Variants in CCDC13 observed in about 807,000 individuals in gnomAD.
CCDC13 encodes the protein coiled-coil domain containing 13, also known as coiled-coil domain-containing protein 13.
CCDC13 carries 70 observed loss-of-function variants against 87.3 expected under a neutral mutation model. The ratio of observed to expected loss-of-function variants is 0.80; its 90% CI spans 0.66 to 0.98. The LOEUF is 0.98. CCDC13 is among the 50% of genes least tolerant of loss of function. The pLI, the probability that CCDC13 is intolerant of heterozygous loss-of-function variation, is 0.00. For missense variants in CCDC13, 842 were observed against 892.0 expected, an observed-to-expected ratio of 0.94 and a Z score of 0.71; for synonymous variants, 317 against 360.3, an observed-to-expected ratio of 0.88 and a Z score of 1.36.
chr3:42,717,566 T>C (rs1489884432), intron 13 of CCDC13, among the ~76,000 whole-genome samples: 1 of 152,204 alleles, frequency 6.6e-6, no homozygotes, highest in Non-Finnish European at 1.5e-5. Context: ...TGCACAGTAT[T>C]GTTAATGTAA....
chr3:42,709,868 C>A (rs1433152075), intron 14 of CCDC13, 70 bp from the exon 15 acceptor site: 10 of 1,164,226 alleles, frequency 8.6e-6, no homozygotes, highest in African/African-American at 1.5e-5. Flanking sequence ...CTTCTCCTCC[C>A]GCCATTGCCC....
At position 42,735,884 on chromosome 3, in the gene CCDC13, T is replaced by G. The variant is rs144324915; in HGVS notation, c.1194A>C (p.Leu398=). Residue 398 remains leucine (L), a synonymous_variant, in exon 10 of 16, where the codon CTA becomes CTC. Transcript: ENST00000310232. ...TCTCCTCCTGCAGACTCAGGCTGCCTAGGATCTCCTGTAGCTGCTTCAGCT... is the reference window on the plus strand; with the variant it reads ...TCTCCTCCTGCAGACTCAGGCTGCCGAGGATCTCCTGTAGCTGCTTCAGCT... ...MDQLKQLQEI[L]GSLSLQEEKT... 5 of 1,614,078 alleles carry G rather than the reference T, an allele frequency of 3.1e-6. No individual in the cohort carries two copies. In the East Asian group the frequency reaches 1.1e-4, roughly 36 times the overall value.
intron 9 of CCDC13, among the ~76,000 whole-genome samples, chr3:42,736,688 C>T (rs765330702): frequency 2.6e-5 from 4 of 152,056 alleles, no homozygotes; most frequent in African/African-American, 9.7e-5. Context: ...TTCTGTGCCC[C>T]GCTCACCACC....
rs1699384828 is a variant in CCDC13 at position 42,745,990 on chromosome 3, T to C, written c.758A>G (p.Gln253Arg). 2 of 1,614,196 alleles carry C rather than the reference T, an allele frequency of 1.2e-6. No individual in the cohort carries two copies. ...AREVGEDINV[Q>R]QLLSSPGTWR... ...GGTCCCTGGCGAAGATAGGAGCTGCTGAACGTTGATGTCTTCCCCAACCTC... is the reference window on the plus strand; with the variant it reads ...GGTCCCTGGCGAAGATAGGAGCTGCCGAACGTTGATGTCTTCCCCAACCTC... The change falls in exon 7 of 16, where the codon CAG becomes CGG. Residue 253 changes from glutamine (Q) to arginine (R), a missense_variant. By Grantham distance (43) the Gln-to-Arg change is conservative. Transcript: ENST00000310232.
intron 8 of CCDC13, among the ~76,000 whole-genome samples, chr3:42,740,681 AGCAAAG>A (rs1387122088): frequency 1.3e-5 from 2 of 152,318 alleles, no homozygotes; most frequent in East Asian, 3.9e-4. Flanking sequence ...TGAAGGGAAG[AGCAAAG>A]GCCCTGGGGT....
Position 42,739,637 on chromosome 3 carries a change from G to A in CCDC13, c.1161C>T (p.Leu387=), listed in dbSNP as rs1559649017. 1 of 1,613,616 alleles carries A rather than the reference G, an allele frequency of 6.2e-7. No individual in the cohort carries two copies. Residue 387 remains leucine, a synonymous_variant, in exon 9 of 16, where the codon CTC becomes CTT. Coordinates refer to ENST00000310232, the MANE Select transcript of CCDC13 (RefSeq NM_144719.4). ...TGCCTGAGTGGTGGGGCCATACCAT[G>A]AGGGCGTCGATGAGCTCGTCATCAT... ...GRHDDELIDA[L]MDQLKQLQEI...
intron 11 of CCDC13, 90 bp downstream of exon 11, chr3:42,733,380 G>T: frequency 6.7e-7 from 1 of 1,503,642 alleles, no homozygotes; most frequent in Non-Finnish European, 9.2e-7. Context: ...AATTGCACCT[G>T]TGGCTTCCCA....
chr3:42,754,261 G>A (rs1452468586), intron 3 of CCDC13, among the ~76,000 whole-genome samples: 3 of 152,192 alleles, frequency 2.0e-5, no homozygotes, highest in African/African-American at 7.2e-5. Context: ...GGGCGAGGCA[G>A]TGAGTGGGGC....
Position 42,751,967 on chromosome 3 carries a change from G to C in CCDC13, c.572C>G (p.Pro191Arg). ...TCTGTCTCCCATCTGGGCCCTCGGT[G>C]GCTTGGCTCCTGCGTCGGTGGCCCC... is the stretch of plus-strand genomic sequence containing the variant. ...AKGATDAGAK[P>R]PRAQMGDRAL... Residue 191 changes from proline (P) to arginine (R), a missense_variant, in exon 5 of 16, where the codon CCA (proline) becomes CGA (arginine). Coordinates refer to ENST00000310232, the MANE Select transcript of CCDC13 (RefSeq NM_144719.4). 1 of 1,611,716 alleles carries C rather than the reference G, an allele frequency of 6.2e-7. No homozygotes were observed. Among genetic ancestry groups the C allele is most frequent in the Non-Finnish European group, 8.5e-7 (1 of 1,180,018 alleles).
At chr3:42,740,831 T>C (rs958817446) in intron 8 of CCDC13, 6 of 152,132 alleles carry the variant, frequency 3.9e-5, no homozygotes, top group African/African-American at 1.2e-4. Flanking sequence ...TGAGGGTGAA[T>C]TGTTGCTGGA....
chr3:42,743,079 G>A (rs201291101), intron 7 of CCDC13, 22 bp from the exon 8 acceptor site: 14 of 1,612,966 alleles, frequency 8.7e-6, no homozygotes, highest in African/African-American at 4.0e-5. Context: ...AAAACTCGTC[G>A]TTCCACAATG....
chr3:42,706,847 G>A lies in CCDC13; in HGVS notation c.*2133C>T, dbSNP rs1158314722. The A allele has an allele frequency of 6.6e-6, 1 of 152,178 alleles. No individual in the cohort carries two copies. Among genetic ancestry groups the A allele is most frequent in the Non-Finnish European group, 1.5e-5 (1 of 68,024 alleles). The allele number at this position is 152,178 out of a possible 1,614,324, so 9.4% of individuals were successfully genotyped here. A position where few individuals can be genotyped will look rare whatever the true frequency, so the allele number is the denominator to read the frequency against. On this transcript the variant is annotated 3_prime_UTR_variant, in exon 16 of 16. Coordinates refer to ENST00000310232, the MANE Select transcript of CCDC13 (RefSeq NM_144719.4). ...CCCCCTGAGGGAGGATTCTATTATT[G>A]TCTGCATTTTATAGATGAGAATGTG...
intron 13 of CCDC13, among the ~76,000 whole-genome samples, chr3:42,721,915 T>C (rs1456531878): frequency 6.6e-6 from 1 of 152,192 alleles, no homozygotes; most frequent in Non-Finnish European, 1.5e-5. Flanking sequence ...CATGTGAAAA[T>C]CTGGAACAGT....
chr3:42,708,888 G>C lies in CCDC13; in HGVS notation c.*92C>G, dbSNP rs1249088679. 4 of 1,374,974 alleles carry C rather than the reference G, an allele frequency of 2.9e-6. No homozygotes were observed. The highest frequency in any genetic ancestry group is 3.9e-6 in the Non-Finnish European group (4 of 1,032,718). 85.2% of individuals were successfully genotyped at this position (1,374,974 alleles called of 1,614,324 possible). On this transcript the variant is annotated 3_prime_UTR_variant, in exon 16 of 16. Transcript: ENST00000310232. ...TGGTTGAGCTGGCTGCCCTGGGCTG[G>C]CTTCCCGGAGCAGATGGAGTCCTCA...
intron 3 of CCDC13, among the ~76,000 whole-genome samples, chr3:42,753,218 C>T (rs1237382176): frequency 1.3e-5 from 2 of 152,190 alleles, no homozygotes; most frequent in African/African-American, 2.4e-5. Context: ...TATGCCCTCT[C>T]CACAGGAAGA....
intron 13 of CCDC13, among the ~76,000 whole-genome samples, chr3:42,729,706 T>C (rs1698775254): frequency 1.3e-5 from 2 of 152,260 alleles, no homozygotes; most frequent in Admixed American, 1.3e-4. Flanking sequence ...CAGGCTCCTC[T>C]CCTGCTCTCT....
At chr3:42,740,904 C>G (rs1371051768) in intron 8 of CCDC13, 1 of 152,176 alleles carries the variant, frequency 6.6e-6, no homozygotes, top group African/African-American at 2.4e-5. Context: ...AAACATGAAT[C>G]TATAGGACAC....
intron 1 of CCDC13, chr3:42,771,099 C>A (rs1041982335): frequency 1.3e-5 from 2 of 152,152 alleles, no homozygotes; most frequent in African/African-American, 4.8e-5. Context: ...ACCTGGTACA[C>A]TCATACCGGT....
chr3:42,747,023 T>C (rs1699419732), intron 6 of CCDC13: 1 of 627,966 alleles, frequency 1.6e-6, no homozygotes, highest in African/African-American at 1.8e-5. Context: ...AGGGCAGGTA[T>C]GCTGCGGGGG....
Sources: allele counts gnomAD v4.1 joint callset (sites outside exome capture counted in the v4.1 genomes callset), GRCh38; gene constraint gnomAD v4.1.1; transcripts MANE v1.5; gene names NCBI Gene and HGNC (gene_info 2026-07-23, HGNC 2026-07-21).